LRRC55: variants seen among roughly 807,000 people sequenced by gnomAD.
The protein encoded by LRRC55 is leucine rich repeat containing 55.
LRRC55 carries 11 observed loss-of-function variants against 20.5 expected under a neutral mutation model. The observed-to-expected ratio is 0.54, with a 90% CI of 0.34 to 0.89. LRRC55 has a LOEUF of 0.89. Among genes scored for constraint, LRRC55 ranks in the 40% least tolerant of loss-of-function variants. The pLI, the probability that LRRC55 is intolerant of heterozygous loss-of-function variation, is 0.02. For missense variants in LRRC55, 358 were observed against 390.9 expected (o/e 0.92, Z 0.71); for synonymous variants, 188 against 166.6 (o/e 1.13, Z -0.99).
intron 1 of LRRC55, among the ~76,000 whole-genome samples, chr11:57,184,352 C>G (rs1279579563): frequency 6.6e-6 from 1 of 152,210 alleles, no homozygotes; most frequent in Admixed American, 6.5e-5. Flanking sequence ...TGAAGAAGCT[C>G]AGACTCCCAG....
At chr11:57,184,175 G>A (rs903768454) in intron 1 of LRRC55, among the ~76,000 whole-genome samples, 1 of 152,168 alleles carries the variant, frequency 6.6e-6, no homozygotes, top group African/African-American at 2.4e-5. Flanking sequence ...GATGGTGGAG[G>A]GCAGGAGTGG....
At position 57,187,304 on chromosome 11, in the gene LRRC55, C is replaced by G; in HGVS notation, c.721C>G (p.Leu241Val). Residue 241 changes from leucine to valine, a missense_variant, in exon 2 of 2, where the codon CTC becomes GTC. Physicochemically the swap from Leu to Val is conservative, Grantham distance 32. Transcript: ENST00000497933. ...PEVEGAPLFSLTEESFKACHL... is the reference protein window; with the variant it reads ...PEVEGAPLFSVTEESFKACHL... The stretch of plus-strand genomic sequence containing the variant: ...AGTCGAGGGCGCCCCGCTCTTCTCA[C>G]TCACTGAGGAGAGCTTCAAGGCCTG... The G allele has an allele frequency of 6.2e-7, 1 of 1,614,166 alleles. No individual in the cohort carries two copies. Among genetic ancestry groups the G allele is most frequent in the East Asian group, 2.2e-5 (1 of 44,868 alleles).
intron 1 of LRRC55, among the ~76,000 whole-genome samples, chr11:57,185,652 A>G (rs985197429): frequency 3.9e-5 from 6 of 152,168 alleles, no homozygotes; most frequent in Non-Finnish European, 7.4e-5. Context: ...AAGACCAAAA[A>G]AAAAGACTTA....
intron 1 of LRRC55, among the ~76,000 whole-genome samples, chr11:57,184,919 T>G (rs1199489340): frequency 6.6e-6 from 1 of 152,102 alleles, no homozygotes; most frequent in African/African-American, 2.4e-5. Flanking sequence ...GACTTTAGAG[T>G]TCAGCATCTT....
intron 1 of LRRC55, among the ~76,000 whole-genome samples, chr11:57,186,287 C>A (rs1169908377): frequency 6.6e-6 from 1 of 152,176 alleles, no homozygotes; most frequent in Non-Finnish European, 1.5e-5. Context: ...TGGAGTTGGA[C>A]AGACTCTTAT....
In LRRC55 at chr11:57,191,021, A is replaced by C. The variant is rs1854502787; in HGVS notation, c.*3541A>C. On this transcript the variant is annotated 3_prime_UTR_variant, in exon 2 of 2. Transcript: ENST00000497933. ...CTTCCTCCATGCTAGGCCAGAGGAT[A>C]TCAAAGTTTAGTTTGGTCAAGATTT... The C allele has an allele frequency of 6.6e-6, 1 of 152,196 alleles. No homozygotes were observed. The highest frequency in any genetic ancestry group is 2.4e-5 in the African/African-American group (1 of 41,448). 9.4% of individuals were successfully genotyped at this position (152,196 alleles called of 1,614,324 possible). A position where few individuals can be genotyped will look rare whatever the true frequency, so the allele number is the denominator to read the frequency against.
At chr11:57,185,760 T>C (rs765027117) in intron 1 of LRRC55, among the ~76,000 whole-genome samples, 3 of 152,110 alleles carry the variant, frequency 2.0e-5, no homozygotes, top group Non-Finnish European at 4.4e-5. Flanking sequence ...GAGTGTCACA[T>C]GCACACTACC....
At position 57,189,170 on chromosome 11, in the gene LRRC55, A is replaced by C. The variant is rs913235870; in HGVS notation, c.*1690A>C. On this transcript the variant is annotated 3_prime_UTR_variant, in exon 2 of 2. Transcript: ENST00000497933. ...CACATCCCTGTGCAGGAGGTAAATC[A>C]AACATCAGTAATCCTGTTTTACAGA... The C allele has an allele frequency of 6.6e-6, 1 of 152,212 alleles. No individual in the cohort carries two copies. Among genetic ancestry groups the C allele is most frequent in the Non-Finnish European group, 1.5e-5 (1 of 68,052 alleles). The allele number at this position is 152,212 out of a possible 1,614,324, so 9.4% of individuals were successfully genotyped here.
chr11:57,189,857 T>C lies in LRRC55; in HGVS notation c.*2377T>C, dbSNP rs189000039. On this transcript the variant is annotated 3_prime_UTR_variant, in exon 2 of 2. Coordinates refer to ENST00000497933, the MANE Select transcript of LRRC55 (RefSeq NM_001005210.4). ...CCAGGAAGGCATCCCTCACTCGTGC[T>C]TCCCTGAGCTAGTCAACCAAAAGAG... The C allele has an allele frequency of 6.6e-6, 1 of 152,362 alleles. No homozygotes were observed. The highest frequency in any genetic ancestry group is 2.4e-5 in the African/African-American group (1 of 41,584). 9.4% of individuals were successfully genotyped at this position (152,362 alleles called of 1,614,324 possible).
At chr11:57,184,995 G>A (rs1033658759) in intron 1 of LRRC55, among the ~76,000 whole-genome samples, 4 of 152,150 alleles carry the variant, frequency 2.6e-5, no homozygotes, top group African/African-American at 9.7e-5. Flanking sequence ...GCAGGACGGG[G>A]GTCCTGTGCT....
chr11:57,187,667 A>C lies in LRRC55; in HGVS notation c.*187A>C. ...AGGCGGCACGCTAGGAATTGGGAAC[A>C]TCAGATGAACTGACTCAGTCCCTGC... On this transcript the variant is annotated 3_prime_UTR_variant, in exon 2 of 2. Coordinates refer to ENST00000497933, the MANE Select transcript of LRRC55 (RefSeq NM_001005210.4). The C allele has an allele frequency of 1.5e-6, 1 of 651,814 alleles. No individual in the cohort carries two copies. Among genetic ancestry groups the C allele is most frequent in the Non-Finnish European group, 2.7e-6 (1 of 369,558 alleles). 40.4% of individuals were successfully genotyped at this position (651,814 alleles called of 1,614,324 possible).
intron 1 of LRRC55, 131 bp downstream of exon 1, chr11:57,182,814 T>G: frequency 2.1e-6 from 2 of 931,400 alleles, no homozygotes; most frequent in South Asian, 6.8e-5. Flanking sequence ...GCTTGCCTCT[T>G]TGTACACCAG....
At chr11:57,184,313 T>C (rs1854401533) in intron 1 of LRRC55, among the ~76,000 whole-genome samples, 1 of 152,218 alleles carries the variant, frequency 6.6e-6, no homozygotes, top group African/African-American at 2.4e-5. Context: ...GGGACTCCTT[T>C]TCTGTGATCT....
rs1854447212 is a variant in LRRC55 at position 57,187,408 on chromosome 11, C to T, written c.825C>T (p.Thr275=). Residue 275 remains threonine, a synonymous_variant, in exon 2 of 2, where the codon ACC becomes ACT. Coordinates refer to ENST00000497933, the MANE Select transcript of LRRC55 (RefSeq NM_001005210.4). ...GFVVSIASVA[T]NFLLGITANC... ...TGGTCTCCATTGCTTCTGTGGCCAC[C>T]AACTTCCTCCTGGGCATCACTGCCA... 6.2e-7 allele frequency: 1 copy of T among 1,614,208 alleles called. No homozygotes were observed. The highest frequency in any genetic ancestry group is 8.5e-7 in the Non-Finnish European group (1 of 1,180,044).
chr11:57,183,572 C>G (rs555394964), intron 1 of LRRC55, among the ~76,000 whole-genome samples: 1 of 152,298 alleles, frequency 6.6e-6, no homozygotes, highest in East Asian at 1.9e-4. Context: ...AGGTTCTGGC[C>G]TGCCGGAAGA....
At chr11:57,183,442 T>A (rs1334996697) in intron 1 of LRRC55, among the ~76,000 whole-genome samples, 1 of 152,222 alleles carries the variant, frequency 6.6e-6, no homozygotes, top group Non-Finnish European at 1.5e-5. Flanking sequence ...ATTGCCACTC[T>A]ACAGAGGAGG....
Position 57,187,693 on chromosome 11 carries a change from C to A in LRRC55, c.*213C>A, listed in dbSNP as rs992152204. ...TCAGATGAACTGACTCAGTCCCTGC[C>A]CTCAAGGCACTTCCCTCTGGTCAAG... On this transcript the variant is annotated 3_prime_UTR_variant, in exon 2 of 2. Coordinates refer to ENST00000497933, the MANE Select transcript of LRRC55 (RefSeq NM_001005210.4). 5 of 615,156 alleles carry A rather than the reference C, an allele frequency of 8.1e-6. No individual in the cohort carries two copies. In the East Asian group the frequency reaches 1.1e-4, roughly 14 times the overall value. 38.1% of individuals were successfully genotyped at this position (615,156 alleles called of 1,614,324 possible). A position where few individuals can be genotyped will look rare whatever the true frequency, so the allele number is the denominator to read the frequency against.
In LRRC55 at chr11:57,188,043, C is replaced by G. The variant is rs1007723078; in HGVS notation, c.*563C>G. 2.5e-5 allele frequency: 4 copies of G among 159,364 alleles called. No individual in the cohort carries two copies. The highest frequency in any genetic ancestry group is 9.6e-5 in the African/African-American group (4 of 41,470). 9.9% of individuals were successfully genotyped at this position (159,364 alleles called of 1,614,324 possible). A position where few individuals can be genotyped will look rare whatever the true frequency, so the allele number is the denominator to read the frequency against. On this transcript the variant is annotated 3_prime_UTR_variant, in exon 2 of 2. Coordinates refer to ENST00000497933, the MANE Select transcript of LRRC55 (RefSeq NM_001005210.4). ...CACCTCCTGACACCAAAACTGTCAGCTCTCAGCAATGCCAGCCACTGCCTA... is the reference window on the plus strand; with the variant it reads ...CACCTCCTGACACCAAAACTGTCAGGTCTCAGCAATGCCAGCCACTGCCTA...
intron 1 of LRRC55, among the ~76,000 whole-genome samples, chr11:57,186,912 C>G (rs567790983): frequency 3.9e-5 from 6 of 152,282 alleles, no homozygotes; most frequent in Admixed American, 2.6e-4. Context: ...AGCCTGCAGG[C>G]TGAGGACAGA....
Sources: gnomAD v4.1 joint callset for allele counts (sites outside exome capture counted in the v4.1 genomes callset) on GRCh38, gnomAD v4.1.1 for gene constraint, MANE v1.5 for transcripts, NCBI Gene and HGNC (gene_info 2026-07-23, HGNC 2026-07-21) for gene names.